Variants in CDKL4 observed in about 807,000 individuals in gnomAD.
The protein encoded by CDKL4 is cyclin dependent kinase like 4, also known as cyclin-dependent kinase-like 4.
In CDKL4, 44 loss-of-function variants were observed where a neutral mutation model predicts 42.0. The observed-to-expected ratio is 1.05, with a 90% CI of 0.82 to 1.35. The LOEUF (loss-of-function observed/expected upper bound fraction) is 1.35. CDKL4 is among the 40% of genes most tolerant of loss of function. The probability of loss-of-function intolerance (pLI) is 0.00; values close to 1 mark genes in which losing one functional copy is unlikely to be tolerated. For missense variants in CDKL4, 393 were observed against 369.9 expected (o/e 1.06, Z -0.51); for synonymous variants, 120 against 121.6 (o/e 0.99, Z 0.09).
intron 8 of CDKL4, among the ~76,000 whole-genome samples, chr2:39,180,721 C>T (rs1439172514): frequency 1.4e-5 from 2 of 138,958 alleles, no homozygotes; most frequent in Non-Finnish European, 3.0e-5. Flanking sequence ...GACAAAGTCT[C>T]GTTCTGTCAC....
chr2:39,215,219 T>A (rs1332894873), intron 3 of CDKL4, among the ~76,000 whole-genome samples: 1 of 152,272 alleles, frequency 6.6e-6, no homozygotes, highest in Non-Finnish European at 1.5e-5. Flanking sequence ...ACTGTGGTTT[T>A]TATTTGCATT....
At position 39,236,352 on chromosome 2, in the gene CDKL4, A is replaced by G. The variant is rs79949519; in HGVS notation, c.-56-6764T>C. On this transcript the variant is annotated intron_variant, in intron 1 of 9. Coordinates refer to ENST00000451199, the Ensembl canonical transcript of CDKL4. Reference sequence around the variant, plus strand: ...CCAATATACATGTAATGAGATTCCCAGAAAGAGAGGAGTAAGTGGAAATGG... The same window carrying G: ...CCAATATACATGTAATGAGATTCCCGGAAAGAGAGGAGTAAGTGGAAATGG... 2.7e-3 allele frequency among the ~76,000 whole-genome samples: 410 copies of G among 152,298 alleles called. 3 individuals are homozygous for G. Among genetic ancestry groups the G allele is most frequent in the African/African-American group, 9.4e-3 (393 of 41,588 alleles).
chr2:39,229,339 T>C, intron 2 of CDKL4, 26 bp downstream of exon 2: 3 of 1,452,974 alleles, frequency 2.1e-6, no homozygotes, highest in Non-Finnish European at 2.8e-6. Context: ...TCCATGATAT[T>C]TTACATATAT....
intron 1 of CDKL4, among the ~76,000 whole-genome samples, chr2:39,233,244 G>A (rs1037084338): frequency 1.3e-5 from 2 of 151,940 alleles, no homozygotes; most frequent in Non-Finnish European, 2.9e-5. Flanking sequence ...CCTTCCCAAA[G>A]AGAAAACACA....
chr2:39,195,800 C>T lies in CDKL4; in HGVS notation c.455-5298G>A, dbSNP rs1332972788. Among the ~76,000 whole-genome samples the T allele has an allele frequency of 9.2e-5, 14 of 152,014 alleles. No individual in the cohort carries two copies. The East Asian group carries it at 1.2e-3, about 13-fold the overall frequency. On this transcript the variant is annotated intron_variant, in intron 5 of 9. Coordinates refer to ENST00000451199, the Ensembl canonical transcript of CDKL4. ...CTGGGATTACTGGTTTGAGCCACTG[C>T]GCCCTGCCTTATATATCTTCTTTAA... is the stretch of plus-strand genomic sequence containing the variant.
At chr2:39,221,943 G>A (rs1262340895) in intron 3 of CDKL4, among the ~76,000 whole-genome samples, 1 of 152,180 alleles carries the variant, frequency 6.6e-6, no homozygotes, top group African/African-American at 2.4e-5. Context: ...ACCATTTGTA[G>A]TTGTTACTTT....
chr2:39,202,133 G>A (rs1676890296), intron 5 of CDKL4, among the ~76,000 whole-genome samples: 1 of 152,146 alleles, frequency 6.6e-6, no homozygotes, highest in Admixed American at 6.5e-5. Context: ...TTGGGAGGCT[G>A]AGGCAGGAGA....
intron 3 of CDKL4, among the ~76,000 whole-genome samples, chr2:39,225,288 T>C (rs1337877179): frequency 6.6e-6 from 1 of 151,850 alleles, no homozygotes; most frequent in African/African-American, 2.4e-5. Flanking sequence ...TAATCCCAGC[T>C]ACTCGGGAGG....
At chr2:39,209,376 A>G (rs148781507) in intron 4 of CDKL4, among the ~76,000 whole-genome samples, 1 of 152,234 alleles carries the variant, frequency 6.6e-6, no homozygotes, top group Non-Finnish European at 1.5e-5. Flanking sequence ...TCTCTAATCA[A>G]TACAGCAAAT....
chr2:39,202,448 A>T (rs1676915090), intron 5 of CDKL4, among the ~76,000 whole-genome samples: 1 of 152,180 alleles, frequency 6.6e-6, no homozygotes, highest in South Asian at 2.1e-4. Flanking sequence ...TATTAGGTAT[A>T]AATTTACTAA....
the CDKL4 span, among the ~76,000 whole-genome samples, chr2:39,168,638 G>A: frequency 6.6e-6 from 1 of 151,284 alleles, no homozygotes. Context: ...AGTAGGCTGA[G>A]GCAGGAGAAT....
chr2:39,214,585 T>C (rs1433180093), intron 3 of CDKL4, among the ~76,000 whole-genome samples: 1 of 152,178 alleles, frequency 6.6e-6, no homozygotes. Context: ...GTTCTAGAAG[T>C]GGGATTTCTG....
intron 5 of CDKL4, among the ~76,000 whole-genome samples, chr2:39,197,761 T>C (rs1294414039): frequency 6.6e-6 from 1 of 152,182 alleles, no homozygotes; most frequent in Non-Finnish European, 1.5e-5. Context: ...TAAGGAAAGA[T>C]ACAGTCTTTT....
intron 8 of CDKL4, among the ~76,000 whole-genome samples, chr2:39,183,694 G>C (rs1328601977): frequency 6.6e-6 from 1 of 152,154 alleles, no homozygotes; most frequent in Non-Finnish European, 1.5e-5. Flanking sequence ...CAGGGAACTG[G>C]GCTTCTAGGA....
At position 39,226,475 on chromosome 2, in the gene CDKL4, A is replaced by AT. The variant is rs1362822483; in HGVS notation, c.169-516dup. The stretch of plus-strand genomic sequence containing the variant: ...TATATATTATATATATTATATATAT[A>AT]TAATATATATTATATATTTTCAGCA... On this transcript the variant is annotated intron_variant, in intron 2 of 9. Coordinates refer to ENST00000451199, the Ensembl canonical transcript of CDKL4. Among the ~76,000 whole-genome samples, 233 of 131,098 alleles carry AT rather than the reference A, an allele frequency of 1.8e-3. 2 individuals carry two copies. The highest frequency in any genetic ancestry group is 4.8e-3 in the African/African-American group (178 of 36,826). 86.0% of individuals were successfully genotyped at this position (131,098 alleles called of 152,430 possible). A position where few individuals can be genotyped will look rare whatever the true frequency, so the allele number is the denominator to read the frequency against.
chr2:39,217,973 T>C (rs551936556), intron 3 of CDKL4, among the ~76,000 whole-genome samples: 1 of 152,174 alleles, frequency 6.6e-6, no homozygotes, highest in African/African-American at 2.4e-5. Context: ...CCTCAGGTGA[T>C]CTGCCTGCCT....
intron 5 of CDKL4, among the ~76,000 whole-genome samples, chr2:39,193,231 C>T (rs905149929): frequency 4.9e-5 from 7 of 142,354 alleles, no homozygotes; most frequent in African/African-American, 7.8e-5. Flanking sequence ...CCTAGATATT[C>T]GAGACCAGCC....
At chr2:39,214,684 T>C (rs971544302) in intron 3 of CDKL4, among the ~76,000 whole-genome samples, 6 of 152,332 alleles carry the variant, frequency 3.9e-5, no homozygotes, top group African/African-American at 9.6e-5. Flanking sequence ...AAAAAAGGTA[T>C]ACTTGGAAGA....
chr2:39,245,747 T>C (rs75210190), upstream of CDKL4, among the ~76,000 whole-genome samples: 1 of 152,372 alleles, frequency 6.6e-6, no homozygotes, highest in Non-Finnish European at 1.5e-5. Context: ...GACCTTCAGT[T>C]TGCAAGATTC....
Sources: allele counts gnomAD v4.1 joint callset (sites outside exome capture counted in the v4.1 genomes callset), GRCh38; gene constraint gnomAD v4.1.1; transcripts MANE v1.5; gene names NCBI Gene and HGNC (gene_info 2026-07-23, HGNC 2026-07-21).